LIMK2: variants seen among roughly 807,000 people sequenced by gnomAD.
LIMK2 encodes LIM domain kinase 2.
A neutral mutation model predicts 75.7 loss-of-function variants in LIMK2; 35 were observed. That is an observed-to-expected ratio of 0.46 (90% confidence interval 0.35 to 0.61). The LOEUF is 0.61. LIMK2 is among the 20% of genes least tolerant of loss of function. The pLI, the probability that LIMK2 is intolerant of heterozygous loss-of-function variation, is 0.00. For missense variants in LIMK2, 623 were observed against 831.0 expected, an observed-to-expected ratio of 0.75 and a Z score of 3.08; for synonymous variants, 301 against 319.2, an observed-to-expected ratio of 0.94 and a Z score of 0.61.
At chr22:31,243,574 T>A (rs2048641923) in intron 2 of LIMK2, among the ~76,000 whole-genome samples, 1 of 152,228 alleles carries the variant, frequency 6.6e-6, no homozygotes, top group South Asian at 2.1e-4. Flanking sequence ...TGAAGACCTG[T>A]GCCTCAGCTG....
At chr22:31,269,635 G>C (rs567494078) in intron 11 of LIMK2, among the ~76,000 whole-genome samples, 8 of 152,124 alleles carry the variant, frequency 5.3e-5, no homozygotes, top group Non-Finnish European at 1.2e-4. Context: ...TTAGCTGGGC[G>C]TGGTGGTGCA....
rs1358562677 is a variant in LIMK2 at position 31,261,198 on chromosome 22, C to T, written c.552-936C>T. ...GTCCAGACGTAGACATAGTGGCTCACGCCTGTAATGCCAGCACTTTGGGAG... is the reference window on the plus strand; with the variant it reads ...GTCCAGACGTAGACATAGTGGCTCATGCCTGTAATGCCAGCACTTTGGGAG... On this transcript the variant is annotated intron_variant, in intron 5 of 15. Coordinates refer to ENST00000331728, the MANE Select transcript of LIMK2 (RefSeq NM_005569.4). Among the ~76,000 whole-genome samples the T allele has an allele frequency of 2.6e-5, 4 of 152,052 alleles. No individual in the cohort carries two copies. The South Asian group carries it at 6.2e-4, about 24-fold the overall frequency.
chr22:31,250,627 T>G (rs1226156820), intron 2 of LIMK2, among the ~76,000 whole-genome samples: 1 of 152,328 alleles, frequency 6.6e-6, no homozygotes, highest in South Asian at 2.1e-4. Context: ...TCTGAAGAGA[T>G]AGCTGCCACA....
At chr22:31,276,945 C>G (rs751892476) in intron 15 of LIMK2, 1 of 1,613,860 alleles carries the variant, frequency 6.2e-7, no homozygotes, top group Non-Finnish European at 8.5e-7. Context: ...CGCGCCTCTA[C>G]GACTGCCAGG....
rs537467274 is a variant in LIMK2 at position 31,262,538 on chromosome 22, C to T, written c.658-57C>T. The T allele has an allele frequency of 1.3e-6, 2 of 1,534,958 alleles. No homozygotes were observed. The highest frequency in any genetic ancestry group is 1.2e-5 in the South Asian group (1 of 82,502). ...CTGTGCCTGAGTCATCTGGGTTGGC[C>T]ATGGGTGGCCTGGGATGGGGCAGCC... is the stretch of plus-strand genomic sequence containing the variant. On this transcript the variant is annotated intron_variant, in intron 6 of 15. Coordinates refer to ENST00000331728, the MANE Select transcript of LIMK2 (RefSeq NM_005569.4). The surrounding 1 kb of genome is among the most constrained non-coding windows in gnomAD (Gnocchi z 5.0).
intron 2 of LIMK2, among the ~76,000 whole-genome samples, chr22:31,256,244 G>A (rs924529028): frequency 5.4e-5 from 8 of 148,292 alleles, no homozygotes; most frequent in East Asian, 4.1e-4. Context: ...TGATCTGCCC[G>A]CCTCAGCCTC....
chr22:31,278,239 C>A, intron 15 of LIMK2, 58 bp from the exon 16 acceptor site: 1 of 1,493,902 alleles, frequency 6.7e-7, no homozygotes, highest in Non-Finnish European at 9.1e-7. Flanking sequence ...TCCCTTCCAC[C>A]CACCCCATGG....
At chr22:31,277,244 A>G (rs562129928) in intron 15 of LIMK2, 327 of 1,570,034 alleles carry the variant, frequency 2.1e-4, no homozygotes, top group Non-Finnish European at 2.7e-4. Flanking sequence ...GCCTGGTTCC[A>G]TGAGCAGGGC....
chr22:31,278,135 G>C (rs1020164003), intron 15 of LIMK2, among the ~76,000 whole-genome samples, 162 bp from the exon 16 acceptor site: 1 of 152,102 alleles, frequency 6.6e-6, no homozygotes, highest in Non-Finnish European at 1.5e-5. Flanking sequence ...AAATATATGA[G>C]GTACCGGTAA....
chr22:31,236,269 G>A (rs1277697038), intron 2 of LIMK2, among the ~76,000 whole-genome samples: 1 of 149,966 alleles, frequency 6.7e-6, no homozygotes, highest in Non-Finnish European at 1.5e-5. Context: ...ACTCCAGCCT[G>A]GGTGACAAGA....
intron 2 of LIMK2, among the ~76,000 whole-genome samples, chr22:31,248,976 A>T (rs776851342): frequency 6.6e-6 from 1 of 152,188 alleles, no homozygotes; most frequent in Non-Finnish European, 1.5e-5. Flanking sequence ...TATACCCAGA[A>T]GGAACTTCTT....
intron 1 of LIMK2, among the ~76,000 whole-genome samples, chr22:31,220,400 A>T (rs997581227): frequency 6.6e-6 from 1 of 152,144 alleles, no homozygotes; most frequent in Non-Finnish European, 1.5e-5. Flanking sequence ...GTTGGATCCA[A>T]ATTTTCAGTT....
chr22:31,213,854 C>T (rs1025160272), intron 1 of LIMK2, among the ~76,000 whole-genome samples: 5 of 144,230 alleles, frequency 3.5e-5, no homozygotes, highest in South Asian at 2.1e-4. Context: ...CTTGCTCTGT[C>T]GCCCAGGCTG....
chr22:31,277,408 G>T, intron 15 of LIMK2: 1 of 1,168,034 alleles, frequency 8.6e-7, no homozygotes, highest in Non-Finnish European at 1.0e-6. Flanking sequence ...TACGCCTTTG[G>T]TGCAGCTCAA....
At chr22:31,243,763 A>G (rs1456695034) in intron 2 of LIMK2, among the ~76,000 whole-genome samples, 1 of 152,228 alleles carries the variant, frequency 6.6e-6, no homozygotes, top group East Asian at 1.9e-4. Context: ...AGGACCTAGA[A>G]GAGCAGTTTT....
rs1440345584 is a variant in LIMK2 at position 31,278,571 on chromosome 22, T to G, written c.*130T>G. The G allele has an allele frequency of 2.0e-6, 2 of 993,248 alleles. No individual in the cohort carries two copies. The highest frequency in any genetic ancestry group is 3.3e-5 in the African/African-American group (2 of 61,228). 61.5% of individuals were successfully genotyped at this position (993,248 alleles called of 1,614,324 possible). A position where few individuals can be genotyped will look rare whatever the true frequency, so the allele number is the denominator to read the frequency against. On this transcript the variant is annotated 3_prime_UTR_variant, in exon 16 of 16. Coordinates refer to ENST00000331728, the MANE Select transcript of LIMK2 (RefSeq NM_005569.4). ...GAATGTTTAGAAGCAGAACAAGCCA[T>G]TCCTATTACCTCCCCAGGAGGCAAG... is the stretch of plus-strand genomic sequence containing the variant.
intron 1 of LIMK2, among the ~76,000 whole-genome samples, chr22:31,222,577 G>T (rs2048444801): frequency 6.6e-6 from 1 of 151,492 alleles, no homozygotes; most frequent in South Asian, 2.1e-4. Flanking sequence ...GTTTTACCAT[G>T]TTGGCCAGGC....
intron 1 of LIMK2, 56 bp from the exon 2 acceptor site, chr22:31,225,664 C>G (rs941937058): frequency 7.7e-7 from 1 of 1,298,998 alleles, no homozygotes; most frequent in Non-Finnish European, 1.1e-6. Flanking sequence ...GGTAGGAATC[C>G]TGTCCCTTTG....
In LIMK2 at chr22:31,219,807, C is replaced by G. The variant is rs185673731; in HGVS notation, c.17-5913C>G. On this transcript the variant is annotated intron_variant, in intron 1 of 15. Coordinates refer to ENST00000331728, the MANE Select transcript of LIMK2 (RefSeq NM_005569.4). ...CAGGATGGCCTTGATCTCTTGACCTCGTGATCCACCCGCCTCGGCCTCCCA... is the reference window on the plus strand; with the variant it reads ...CAGGATGGCCTTGATCTCTTGACCTGGTGATCCACCCGCCTCGGCCTCCCA... 5.9e-5 allele frequency among the ~76,000 whole-genome samples: 9 copies of G among 152,188 alleles called. No homozygotes were observed. The East Asian group carries it at 1.7e-3, about 29-fold the overall frequency.
Sources: gnomAD v4.1 joint callset for allele counts (sites outside exome capture counted in the v4.1 genomes callset) on GRCh38, gnomAD v4.1.1 for gene constraint, Gnocchi (gnomAD v3.1) non-coding constraint, MANE v1.5 for transcripts, NCBI Gene and HGNC (gene_info 2026-07-23, HGNC 2026-07-21) for gene names.